LAMA3: variants seen among roughly 807,000 people sequenced by gnomAD.
LAMA3 encodes the protein laminin subunit alpha 3, also known as laminin subunit alpha-3.
In LAMA3, 281 loss-of-function variants were observed where a neutral mutation model predicts 402.0. The observed-to-expected ratio is 0.70, with a 90% CI of 0.63 to 0.77. The LOEUF (loss-of-function observed/expected upper bound fraction) is 0.77, where lower values mean the gene tolerates loss of function less well. Among genes scored for constraint, LAMA3 ranks in the 30% least tolerant of loss-of-function variants. The probability of loss-of-function intolerance (pLI) is 0.00; values close to 1 mark genes in which losing one functional copy is unlikely to be tolerated. For missense variants in LAMA3, 3,840 were observed against 4,215.5 expected (o/e 0.91, Z 2.47); for synonymous variants, 1,431 against 1,558.4 (o/e 0.92, Z 1.93).
chr18:23,937,669 A>T lies in LAMA3; in HGVS notation c.8863-1554A>T, dbSNP rs572742244. Among the ~76,000 whole-genome samples, 5 of 152,144 alleles carry T rather than the reference A, an allele frequency of 3.3e-5. No individual in the cohort carries two copies. The South Asian group carries it at 1.0e-3, about 32-fold the overall frequency. ...CTTATGCTGCTGACACACGGAGAAG[A>T]CTCCAGAGAGGGAGCAAGGCCCACT... On this transcript the variant is annotated intron_variant, in intron 67 of 74. Coordinates refer to ENST00000313654, the MANE Select transcript of LAMA3 (RefSeq NM_198129.4).
chr18:23,945,039 A>T (rs1222253921), intron 69 of LAMA3, among the ~76,000 whole-genome samples: 1 of 152,204 alleles, frequency 6.6e-6, no homozygotes, highest in Non-Finnish European at 1.5e-5. Flanking sequence ...AGGCTGAGGC[A>T]GGAGAATCGC....
intron 55 of LAMA3, among the ~76,000 whole-genome samples, chr18:23,911,703 G>T (rs2081429826): frequency 6.6e-6 from 1 of 150,516 alleles, no homozygotes; most frequent in African/African-American, 2.4e-5. Context: ...AAATAAAACT[G>T]TAACATGTAA....
chr18:23,843,079 T>C lies in LAMA3; in HGVS notation c.3603+329T>C, dbSNP rs45496194. Among the ~76,000 whole-genome samples the C allele has an allele frequency of 6.5e-3, 985 of 152,304 alleles. 9 individuals carry two copies. Among genetic ancestry groups the C allele is most frequent in the Non-Finnish European group, 9.4e-3 (636 of 68,018 alleles). On this transcript the variant is annotated intron_variant, in intron 29 of 74. Coordinates refer to ENST00000313654, the MANE Select transcript of LAMA3 (RefSeq NM_198129.4). ...TGCTTTCTCTCTGTTTTCCCTGCTT[T>C]CTCTAGCGCTCCTTGGGTGATTTCT...
At chr18:23,844,615 A>G (rs1288780968) in intron 29 of LAMA3, among the ~76,000 whole-genome samples, 1 of 152,120 alleles carries the variant, frequency 6.6e-6, no homozygotes, top group Non-Finnish European at 1.5e-5. Context: ...TGTTCCTGTG[A>G]TTGTTTTTCA....
At chr18:23,742,357 G>A (rs114148114) in intron 2 of LAMA3, among the ~76,000 whole-genome samples, 3,207 of 152,260 alleles carry the variant, frequency 0.021, 65 homozygotes, top group Admixed American at 0.056. Context: ...ACTCACTGCC[G>A]TATGTAATCC....
rs145260044 is a variant in LAMA3, at chr18:23,874,675, C to T, written c.4999-1619C>T. ...TGGACCAGGTAGAGACCTTTATGGCCATGAGTGAATAAGAATGGACTGTCT... is the reference window on the plus strand; with the variant it reads ...TGGACCAGGTAGAGACCTTTATGGCTATGAGTGAATAAGAATGGACTGTCT... On this transcript the variant is annotated intron_variant, in intron 38 of 74. Transcript: ENST00000313654. Among the ~76,000 whole-genome samples the T allele has an allele frequency of 1.1e-3, 164 of 152,304 alleles. 1 individual carries two copies. Among genetic ancestry groups the T allele is most frequent in the Middle Eastern group, 3.4e-3 (1 of 294 alleles).
chr18:23,951,708 G>T lies in LAMA3; in HGVS notation c.9667G>T (p.Ala3223Ser). 1 of 1,613,938 alleles carries T rather than the reference G, an allele frequency of 6.2e-7. No homozygotes were observed. Residue 3223 changes from alanine to serine, a missense_variant, in exon 73 of 75, where the codon GCA becomes TCA. By Grantham distance (99) the Ala-to-Ser change is moderately conservative. This residue lies in a region of LAMA3 where 840 missense variants were observed against 981.9 expected (regional missense o/e 0.86). Transcript: ENST00000313654. The part of the protein sequence containing the change: ...GKVTASMDSG[A>S]GGTSTSVTPK... ...GGTCACGGCCTCTATGGACAGTGGGGCAGGTGGGACCTCAACGTCGGTCAC... is the reference window on the plus strand; with the variant it reads ...GGTCACGGCCTCTATGGACAGTGGGTCAGGTGGGACCTCAACGTCGGTCAC...
intron 11 of LAMA3, 116 bp from the exon 12 acceptor site, chr18:23,783,907 A>T: frequency 7.4e-7 from 1 of 1,344,512 alleles, no homozygotes; most frequent in Non-Finnish European, 1.1e-6. Flanking sequence ...AAGAATGTTT[A>T]ACAGCCATAG....
chr18:23,899,118 T>C (rs1230108517), intron 46 of LAMA3, 53 bp downstream of exon 46: 1 of 1,390,520 alleles, frequency 7.2e-7, no homozygotes, highest in Non-Finnish European at 1.0e-6. Context: ...ATAACCTTCA[T>C]TGTACACTAA....
At chr18:23,873,382 C>T (rs2064597699) in intron 38 of LAMA3, among the ~76,000 whole-genome samples, 1 of 152,172 alleles carries the variant, frequency 6.6e-6, no homozygotes, top group Admixed American at 6.5e-5. Flanking sequence ...TGACAGATTG[C>T]TCTCCCGAGC....
At chr18:23,791,603 G>T (rs191177794) in intron 12 of LAMA3, among the ~76,000 whole-genome samples, 46 of 152,084 alleles carry the variant, frequency 3.0e-4, no homozygotes, top group Admixed American at 3.0e-3. Context: ...GCATCGTGGT[G>T]CATGCCTGTA....
intron 44 of LAMA3, among the ~76,000 whole-genome samples, chr18:23,896,336 AAAAAACAAAAGC>A (rs1230753652): frequency 2.6e-5 from 4 of 152,244 alleles, no homozygotes; most frequent in Non-Finnish European, 5.9e-5. Flanking sequence ...ACTCCATCTC[AAAAAACAAAAGC>A]AAAAACAAAA....
intron 22 of LAMA3, 79 bp from the exon 23 acceptor site, chr18:23,827,235 C>A: frequency 1.4e-6 from 2 of 1,421,832 alleles, no homozygotes; most frequent in South Asian, 1.2e-5. Flanking sequence ...GACTGAGAGT[C>A]TTTGGGGATG....
At chr18:23,836,036 A>T (rs2063574113) in intron 24 of LAMA3, among the ~76,000 whole-genome samples, 1 of 152,080 alleles carries the variant, frequency 6.6e-6, no homozygotes, top group Admixed American at 6.6e-5. Context: ...TAAGGATAAA[A>T]CTAAGTAAAT....
At chr18:23,926,817 C>T (rs949724967) in intron 62 of LAMA3, among the ~76,000 whole-genome samples, 1 of 152,184 alleles carries the variant, frequency 6.6e-6, no homozygotes, top group Non-Finnish European at 1.5e-5. Flanking sequence ...GAAAGAGCTG[C>T]TTTAGAAATT....
chr18:23,933,947 A>T lies in LAMA3; in HGVS notation c.8862+12A>T, dbSNP rs374606220. On this transcript the variant is annotated intron_variant, in intron 67 of 74. Transcript: ENST00000313654. ...TTCGTATCAACCAGGTAAGTGTCCAAACCTAACCCTGGGTTTCCCTCTTCC... is the reference window on the plus strand; with the variant it reads ...TTCGTATCAACCAGGTAAGTGTCCATACCTAACCCTGGGTTTCCCTCTTCC... The T allele has an allele frequency of 6.2e-7, 1 of 1,613,704 alleles. No homozygotes were observed. The highest frequency in any genetic ancestry group is 1.7e-5 in the Admixed American group (1 of 60,026).
chr18:23,944,833 TAA>T (rs1357643877), intron 69 of LAMA3, among the ~76,000 whole-genome samples: 1 of 152,218 alleles, frequency 6.6e-6, no homozygotes, highest in Non-Finnish European at 1.5e-5. Flanking sequence ...GTAAAGCTTT[TAA>T]AGAGTCTTAA....
chr18:23,848,947 G>T (rs989128257), intron 32 of LAMA3, among the ~76,000 whole-genome samples: 2 of 152,122 alleles, frequency 1.3e-5, no homozygotes, highest in Admixed American at 6.5e-5. Flanking sequence ...ATTACATGCT[G>T]TTCTCCCTGT....
intron 42 of LAMA3, among the ~76,000 whole-genome samples, chr18:23,893,972 G>A (rs913373801): frequency 3.3e-5 from 5 of 152,152 alleles, no homozygotes; most frequent in African/African-American, 1.2e-4. Flanking sequence ...GTTGACCTTT[G>A]TAGTGAAGGA....
Sources: gnomAD v4.1 joint callset for allele counts (sites outside exome capture counted in the v4.1 genomes callset) on GRCh38, gnomAD v4.1.1 for gene constraint, gnomAD v4.1.1 regional missense constraint, MANE v1.5 for transcripts, NCBI Gene and HGNC (gene_info 2026-07-23, HGNC 2026-07-21) for gene names.